Variants in FAM13A observed in about 807,000 individuals in gnomAD.
FAM13A encodes family with sequence similarity 13 member A.
Under a neutral mutation model 129.6 loss-of-function variants are expected in FAM13A, and 76 were observed. The ratio of observed to expected loss-of-function variants is 0.59; its 90% CI spans 0.49 to 0.71. The LOEUF is 0.71. Among genes scored for constraint, FAM13A ranks in the 30% least tolerant of loss-of-function variants. The probability of loss-of-function intolerance (pLI) is 0.00; values close to 1 mark genes in which losing one functional copy is unlikely to be tolerated. For missense variants in FAM13A, 1,108 were observed against 1,249.3 expected (o/e 0.89, Z 1.70); for synonymous variants, 443 against 449.9 (o/e 0.98, Z 0.20).
At chr4:88,848,865 T>C (rs962527520) in intron 7 of FAM13A, among the ~76,000 whole-genome samples, 3 of 152,222 alleles carry the variant, frequency 2.0e-5, no homozygotes, top group Non-Finnish European at 4.4e-5. Context: ...CCCTACATTC[T>C]ACATTGTAAA....
chr4:88,926,681 C>T (rs546812671), intron 5 of FAM13A, among the ~76,000 whole-genome samples: 1 of 152,252 alleles, frequency 6.6e-6, no homozygotes, highest in African/African-American at 2.4e-5. Context: ...AAGAAATTAA[C>T]AGCAATCTAA....
At chr4:88,850,222 C>T (rs1737320685) in intron 7 of FAM13A, among the ~76,000 whole-genome samples, 1 of 151,866 alleles carries the variant, frequency 6.6e-6, no homozygotes, top group Admixed American at 6.6e-5. Flanking sequence ...AAAATTCAAG[C>T]TAGTAGTAAA....
chr4:89,005,088 C>T (rs1383067367), intron 3 of FAM13A, among the ~76,000 whole-genome samples: 1 of 149,802 alleles, frequency 6.7e-6, no homozygotes, highest in Non-Finnish European at 1.5e-5. Context: ...CTCAAGTAGA[C>T]CTAGTGTCTG....
chr4:88,796,004 G>T (rs761070266), intron 8 of FAM13A, among the ~76,000 whole-genome samples: 1 of 151,462 alleles, frequency 6.6e-6, no homozygotes, highest in African/African-American at 2.4e-5. Flanking sequence ...ACCAGCTCCC[G>T]AATTCAAGTA....
At chr4:88,860,431 T>G (rs1739296984) in intron 6 of FAM13A, among the ~76,000 whole-genome samples, 1 of 152,220 alleles carries the variant, frequency 6.6e-6, no homozygotes, top group African/African-American at 2.4e-5. Flanking sequence ...CATCTATGAT[T>G]GTGAATAGTA....
intron 5 of FAM13A, among the ~76,000 whole-genome samples, chr4:88,923,997 G>A (rs1751641919): frequency 6.6e-6 from 1 of 152,050 alleles, no homozygotes; most frequent in African/African-American, 2.4e-5. Flanking sequence ...AACTTACAAA[G>A]GACGTGAAGG....
At chr4:88,959,541 CTATAAT>C (rs1353845259) in intron 4 of FAM13A, among the ~76,000 whole-genome samples, 3 of 152,196 alleles carry the variant, frequency 2.0e-5, no homozygotes, top group Non-Finnish European at 2.9e-5. Flanking sequence ...TTTCCTTCTG[CTATAAT>C]TATAAGTTTC....
At chr4:88,941,982 T>C (rs987231655) in intron 4 of FAM13A, among the ~76,000 whole-genome samples, 3 of 152,130 alleles carry the variant, frequency 2.0e-5, no homozygotes, top group Admixed American at 1.3e-4. Context: ...GCCAAAGCCA[T>C]CTTGGCTCTA....
intron 7 of FAM13A, among the ~76,000 whole-genome samples, chr4:88,835,242 C>T (rs60955950): frequency 3.3e-5 from 5 of 151,962 alleles, no homozygotes; most frequent in African/African-American, 4.8e-5. Context: ...TTTCTCCTAG[C>T]CTGGAATATC....
intron 7 of FAM13A, among the ~76,000 whole-genome samples, chr4:88,815,983 T>C (rs1350731908): frequency 6.9e-6 from 1 of 144,782 alleles, no homozygotes; most frequent in Admixed American, 6.8e-5. Context: ...CAAGTTCTTT[T>C]TCTAAAAAAA....
intron 6 of FAM13A, among the ~76,000 whole-genome samples, chr4:88,897,787 G>C (rs895808255): frequency 9.9e-5 from 15 of 152,122 alleles, no homozygotes; most frequent in African/African-American, 3.6e-4. Flanking sequence ...CTGGAGAAAA[G>C]AAGATTTTAA....
chr4:88,805,015 A>T lies in FAM13A; in HGVS notation c.1045T>A (p.Leu349Met). 6.4e-7 allele frequency: 1 copy of T among 1,554,716 alleles called. No individual in the cohort carries two copies. Among genetic ancestry groups the T allele is most frequent in the Non-Finnish European group, 8.9e-7 (1 of 1,128,758 alleles). The change falls in exon 8 of 24, where the codon TTG becomes ATG. Residue 349 changes from leucine to methionine, a missense_variant. Physicochemically the swap from Leu to Met is conservative, Grantham distance 15 (BLOSUM62 2). Around this residue, in one of 3 missense-constraint regions of FAM13A, gnomAD observed 566 missense variants for 595.7 expected, o/e 0.95. Transcript: ENST00000264344. ...EDERPLSPFYLSAHVPQVSNV... is the reference protein window; with the variant it reads ...EDERPLSPFYMSAHVPQVSNV... The stretch of plus-strand genomic sequence containing the variant: ...CAACAAAAATCAAATAAATACCTCA[A>T]ATAGAAAGGTGACAGAGGTCTTTCA...
At position 88,790,643 on chromosome 4, in the gene FAM13A, A is replaced by G. The variant is rs1578672039; in HGVS notation, c.1050-16T>C. On this transcript the variant is annotated splice_polypyrimidine_tract_variant and intron_variant, in intron 8 of 23. Coordinates refer to ENST00000264344, the MANE Select transcript of FAM13A (RefSeq NM_014883.4). ...TACATGAGCACTGCAGAAAAGAAGC[A>G]AAGAGAAAGTCAGGTTAGATGAAAG... The G allele has an allele frequency of 6.2e-7, 1 of 1,609,460 alleles. No homozygotes were observed. Among genetic ancestry groups the G allele is most frequent in the Non-Finnish European group, 8.5e-7 (1 of 1,177,176 alleles).
intron 6 of FAM13A, among the ~76,000 whole-genome samples, chr4:88,872,824 A>T (rs912125130): frequency 2.6e-5 from 4 of 152,346 alleles, no homozygotes; most frequent in African/African-American, 9.6e-5. Context: ...ACCTCAAATC[A>T]ACAGAATATA....
intron 18 of FAM13A, 67 bp from the exon 19 acceptor site, chr4:88,747,082 C>T: frequency 9.3e-7 from 1 of 1,074,536 alleles, no homozygotes; most frequent in Non-Finnish European, 1.4e-6. Flanking sequence ...AACTTCTTTA[C>T]TTAAATTACT....
chr4:88,829,703 T>C (rs142351200), intron 7 of FAM13A, among the ~76,000 whole-genome samples: 32 of 152,242 alleles, frequency 2.1e-4, no homozygotes, highest in African/African-American at 7.0e-4. Flanking sequence ...TCATTACCAA[T>C]AACAGCAAAA....
chr4:88,837,143 C>T (rs1028225100), intron 7 of FAM13A, among the ~76,000 whole-genome samples: 3 of 150,552 alleles, frequency 2.0e-5, no homozygotes, highest in African/African-American at 4.9e-5. Flanking sequence ...TACAGGCATG[C>T]GCCACCATGC....
chr4:88,726,070 A>AAAG lies in FAM13A; in HGVS notation c.*2460_*2462dup, dbSNP rs879579629. On this transcript the variant is annotated 3_prime_UTR_variant, in exon 24 of 24. Transcript: ENST00000264344. The stretch of plus-strand genomic sequence containing the variant: ...AATAAACACATATTCCCAACACAGC[A>AAAG]AAGGAAAAATCCCAGTCCAGAGCAT... The AAAG allele has an allele frequency of 6.6e-6, 1 of 152,238 alleles. No individual in the cohort carries two copies. The highest frequency in any genetic ancestry group is 1.5e-5 in the Non-Finnish European group (1 of 68,048). 9.4% of individuals were successfully genotyped at this position (152,238 alleles called of 1,614,324 possible).
chr4:88,851,232 A>T, intron 6 of FAM13A, 49 bp from the exon 7 acceptor site: 1 of 1,457,572 alleles, frequency 6.9e-7, no homozygotes, highest in Non-Finnish European at 9.2e-7. Context: ...TAAATGTTAA[A>T]GTCTTTCAAA....
Sources: gnomAD v4.1 joint callset for allele counts (sites outside exome capture counted in the v4.1 genomes callset) on GRCh38, gnomAD v4.1.1 for gene constraint, gnomAD v4.1.1 regional missense constraint, MANE v1.5 for transcripts, NCBI Gene and HGNC (gene_info 2026-07-23, HGNC 2026-07-21) for gene names.